Variants in NFASC observed in about 807,000 individuals in gnomAD.
NFASC encodes neurofascin.
In NFASC, 43 loss-of-function variants were observed where a neutral mutation model predicts 147.5. The ratio of observed to expected loss-of-function variants is 0.29; its 90% CI spans 0.23 to 0.38. The LOEUF is 0.38. Among genes scored for constraint, NFASC ranks in the 10% least tolerant of loss-of-function variants. The pLI is 1.00. For synonymous variants in NFASC, 622 were observed against 665.5 expected, an observed-to-expected ratio of 0.93 and a Z score of 1.01; for missense variants, 1,320 against 1,689.0, an observed-to-expected ratio of 0.78 and a Z score of 3.83.
chr1:205,005,329 A>T (rs1256413099), intron 27 of NFASC, among the ~76,000 whole-genome samples: 1 of 152,194 alleles, frequency 6.6e-6, no homozygotes, highest in Non-Finnish European at 1.5e-5. Context: ...AATTCCTCCC[A>T]GTTAGAATTA....
intron 1 of NFASC, among the ~76,000 whole-genome samples, chr1:204,871,548 C>T (rs561168759): frequency 6.6e-6 from 1 of 152,300 alleles, no homozygotes; most frequent in East Asian, 1.9e-4. Flanking sequence ...CCTGTTCCCT[C>T]GTTTGGCCAT....
rs968244537 is a variant in NFASC, at chr1:204,959,655, C to T, written c.706+1829C>T. On this transcript the variant is annotated intron_variant, in intron 8 of 29. Transcript: ENST00000339876. ...TCCTTGCCCAGACGACGCTAGAAAT[C>T]GGCCTGCTGCTTTTGGAACTGAGTC... Among the ~76,000 whole-genome samples the T allele has an allele frequency of 5.9e-5, 9 of 152,232 alleles. No homozygotes were observed. In the South Asian group the frequency reaches 6.2e-4, roughly 10 times the overall value.
chr1:204,975,473 C>T lies in NFASC; in HGVS notation c.1706+55C>T. Reference sequence around the variant, plus strand: ...GCTAGTTTGAGGCGCATTTTCTTTTCCCTTGCTGTTGGTGACACATGGAAG... The same window carrying T: ...GCTAGTTTGAGGCGCATTTTCTTTTTCCTTGCTGTTGGTGACACATGGAAG... On this transcript the variant is annotated intron_variant, in intron 15 of 29. Transcript: ENST00000339876. This position sits in a 1 kb window ranked among gnomAD's most constrained non-coding sequence, Gnocchi z 4.0. 1 of 1,574,210 alleles carries T rather than the reference C, an allele frequency of 6.4e-7. No homozygotes were observed. Among genetic ancestry groups the T allele is most frequent in the Non-Finnish European group, 8.7e-7 (1 of 1,152,554 alleles).
chr1:205,004,927 A>G (rs1207671750), intron 27 of NFASC, among the ~76,000 whole-genome samples: 1 of 152,236 alleles, frequency 6.6e-6, no homozygotes, highest in East Asian at 1.9e-4. Flanking sequence ...AAGAGACCTG[A>G]GGGGCTACAA....
intron 3 of NFASC, among the ~76,000 whole-genome samples, chr1:204,950,023 C>G (rs1404784959): frequency 6.6e-6 from 1 of 152,204 alleles, no homozygotes; most frequent in Non-Finnish European, 1.5e-5. Flanking sequence ...CTAGAGTCTT[C>G]CATAGGATGG....
In NFASC at chr1:204,968,475, A is replaced by G; in HGVS notation, c.818+115A>G. 1 of 736,974 alleles carries G rather than the reference A, an allele frequency of 1.4e-6. No homozygotes were observed. Among genetic ancestry groups the G allele is most frequent in the Non-Finnish European group, 2.3e-6 (1 of 432,048 alleles). 45.7% of individuals were successfully genotyped at this position (736,974 alleles called of 1,614,324 possible). A position where few individuals can be genotyped will look rare whatever the true frequency, so the allele number is the denominator to read the frequency against. On this transcript the variant is annotated intron_variant, in intron 9 of 29. Coordinates refer to ENST00000339876, the MANE Select transcript of NFASC (RefSeq NM_001005388.3). This position sits in a 1 kb window ranked among gnomAD's most constrained non-coding sequence, Gnocchi z 5.4. ...TGCATACCAGTAGCACAGCAAAAAGAGAAGCAAACAGCCTCTAGTGAGCAG... is the reference window on the plus strand; with the variant it reads ...TGCATACCAGTAGCACAGCAAAAAGGGAAGCAAACAGCCTCTAGTGAGCAG...
At chr1:204,832,366 G>A (rs1672457277) in intron 1 of NFASC, among the ~76,000 whole-genome samples, 1 of 152,182 alleles carries the variant, frequency 6.6e-6, no homozygotes, top group Admixed American at 6.5e-5. Context: ...AAGATGCACA[G>A]GGATGTGCTG....
intron 1 of NFASC, among the ~76,000 whole-genome samples, chr1:204,883,898 C>G (rs1271207524): frequency 2.6e-5 from 4 of 152,180 alleles, no homozygotes; most frequent in Non-Finnish European, 5.9e-5. Flanking sequence ...GATCTGAGAC[C>G]TGAACCCGGA....
intron 2 of NFASC, among the ~76,000 whole-genome samples, chr1:204,928,962 C>T (rs769711683): frequency 1.2e-4 from 19 of 152,142 alleles, no homozygotes; most frequent in Non-Finnish European, 2.6e-4. Context: ...AGGGAAAAGT[C>T]CCTTTCTTCT....
intron 24 of NFASC, among the ~76,000 whole-genome samples, 182 bp from the exon 25 acceptor site, chr1:204,996,988 C>T (rs1484702863): frequency 6.6e-6 from 1 of 152,138 alleles, no homozygotes; most frequent in Non-Finnish European, 1.5e-5. Flanking sequence ...TTCTCTTCCT[C>T]TCCCATGGTT....
chr1:205,001,656 G>A (rs1460097208), intron 26 of NFASC, among the ~76,000 whole-genome samples: 1 of 152,158 alleles, frequency 6.6e-6, no homozygotes, highest in African/African-American at 2.4e-5. Context: ...ACTTGACTGG[G>A]TGAGCCAGTT....
At chr1:204,976,244 G>A (rs2095400911) in intron 15 of NFASC, among the ~76,000 whole-genome samples, 1 of 152,172 alleles carries the variant, frequency 6.6e-6, no homozygotes, top group South Asian at 2.1e-4. Flanking sequence ...CTGGGGTCAG[G>A]CTGGCCTGAG....
chr1:204,875,185 A>G (rs1203802994), intron 1 of NFASC, among the ~76,000 whole-genome samples: 1 of 152,084 alleles, frequency 6.6e-6, no homozygotes, highest in Non-Finnish European at 1.5e-5. Context: ...CTGCATTTTG[A>G]TTATCCTTAA....
chr1:204,917,795 A>G (rs997252708), intron 1 of NFASC, among the ~76,000 whole-genome samples: 1 of 152,112 alleles, frequency 6.6e-6, no homozygotes, highest in Non-Finnish European at 1.5e-5. Flanking sequence ...CTTATCTTGT[A>G]TGTTTGCTGC....
At position 204,865,004 on chromosome 1, in the gene NFASC, T is replaced by C. The variant is rs372162020; in HGVS notation, c.-200+36222T>C. On this transcript the variant is annotated intron_variant, in intron 1 of 29. Coordinates refer to ENST00000339876, the MANE Select transcript of NFASC (RefSeq NM_001005388.3). ...ATTGGTGTTACATCTAAAAGTCCAT[T>C]AACAAACCCAAGGTTATGAAGTTTT... Among the ~76,000 whole-genome samples, 14 of 152,334 alleles carry C rather than the reference T, an allele frequency of 9.2e-5. No individual in the cohort carries two copies. The East Asian group carries it at 2.1e-3, about 23-fold the overall frequency.
At chr1:204,923,375 C>A (rs77507721) in intron 2 of NFASC, among the ~76,000 whole-genome samples, 2 of 152,052 alleles carry the variant, frequency 1.3e-5, no homozygotes, top group African/African-American at 4.8e-5. Context: ...GCTCAGGCTT[C>A]GTCTCTCCCC....
chr1:204,835,301 A>G (rs1453372107), intron 1 of NFASC, among the ~76,000 whole-genome samples: 1 of 144,198 alleles, frequency 6.9e-6, no homozygotes, highest in Non-Finnish European at 1.5e-5. Context: ...ACTCACTGCA[A>G]CCTTGCAACC....
At chr1:204,957,910 A>G (rs1201908506) in intron 8 of NFASC, 84 bp downstream of exon 8, 8 of 1,297,452 alleles carry the variant, frequency 6.2e-6, no homozygotes, top group Non-Finnish European at 8.8e-6. Context: ...CTGAGTCTAT[A>G]GGGGGAGACT....
intron 2 of NFASC, among the ~76,000 whole-genome samples, chr1:204,934,119 C>A (rs1404915984): frequency 7.6e-6 from 1 of 130,744 alleles, no homozygotes; most frequent in Non-Finnish European, 1.6e-5. Context: ...CCCCGGGCGA[C>A]AGAGTGAGAC....
Sources: gnomAD v4.1 joint callset for allele counts (sites outside exome capture counted in the v4.1 genomes callset) on GRCh38, gnomAD v4.1.1 for gene constraint, Gnocchi (gnomAD v3.1) non-coding constraint, MANE v1.5 for transcripts, NCBI Gene and HGNC (gene_info 2026-07-23, HGNC 2026-07-21) for gene names.